The following SATB2 variants were observed in gnomAD, a reference collection of about 807,000 sequenced individuals.
SATB2 encodes SATB homeobox 2.
SATB2 carries 1 observed loss-of-function variant against 73.4 expected under a neutral mutation model. That is an observed-to-expected ratio of 0.01 (90% CI 0.00 to 0.06). The LOEUF (loss-of-function observed/expected upper bound fraction) is 0.06. Among genes scored for constraint, SATB2 ranks in the 10% least tolerant of loss-of-function variants. SATB2 has a pLI of 1.00. For synonymous variants in SATB2, 397 were observed against 367.0 expected (o/e 1.08, Z -0.93); for missense variants, 459 against 945.8 (o/e 0.49, Z 6.75).
At chr2:199,337,246 A>T (rs1688362963) in intron 7 of SATB2, among the ~76,000 whole-genome samples, 1 of 152,232 alleles carries the variant, frequency 6.6e-6, no homozygotes, top group African/African-American at 2.4e-5. Context: ...TATATGATGC[A>T]AAATGACCAC....
At chr2:199,418,087 T>C (rs2105910784) in intron 3 of SATB2, among the ~76,000 whole-genome samples, 1 of 152,328 alleles carries the variant, frequency 6.6e-6, no homozygotes, top group African/African-American at 2.4e-5. Context: ...GCAACTAACA[T>C]GATTCAGCCC....
intron 10 of SATB2, among the ~76,000 whole-genome samples, chr2:199,286,253 T>C (rs1032115329): frequency 1.3e-5 from 2 of 152,130 alleles, no homozygotes; most frequent in Admixed American, 6.6e-5. Flanking sequence ...GATGAGGAAC[T>C]ATATCAAATA....
intron 3 of SATB2, chr2:199,396,331 G>T (rs1690299457): frequency 6.6e-6 from 1 of 152,096 alleles, no homozygotes; most frequent in African/African-American, 2.4e-5. Flanking sequence ...GATAATTAAT[G>T]CTTCACCCAG....
intron 9 of SATB2, among the ~76,000 whole-genome samples, chr2:199,310,143 A>G (rs1194989978): frequency 6.6e-6 from 1 of 152,092 alleles, no homozygotes; most frequent in Non-Finnish European, 1.5e-5. Flanking sequence ...TTCTCCTTCA[A>G]CTGCCGGCTG....
chr2:199,428,892 G>C (rs1691414176), intron 3 of SATB2, among the ~76,000 whole-genome samples: 1 of 151,884 alleles, frequency 6.6e-6, no homozygotes, highest in Admixed American at 6.6e-5. Flanking sequence ...TGGCCACCCA[G>C]CTACTCAGGA....
In SATB2 at chr2:199,324,054, C is replaced by T. The variant is rs1687967366; in HGVS notation, c.1387-96G>A. 5.6e-6 allele frequency: 7 copies of T among 1,246,516 alleles called. No homozygotes were observed. In the South Asian group the frequency reaches 7.2e-5, roughly 13 times the overall value. The allele number at this position is 1,246,516 out of a possible 1,614,324, so 77.2% of individuals were successfully genotyped here. Reference sequence around the variant, plus strand: ...TCAAAGGATTTCAGTCAGCTGATGCCAAACTGCATTAGCTACAGAGGGACA... The same window carrying T: ...TCAAAGGATTTCAGTCAGCTGATGCTAAACTGCATTAGCTACAGAGGGACA... On this transcript the variant is annotated intron_variant, in intron 8 of 10. Coordinates refer to ENST00000417098, the MANE Select transcript of SATB2 (RefSeq NM_001172509.2).
intron 1 of SATB2, 56 bp from the exon 2 acceptor site, chr2:199,456,152 C>G: frequency 3.0e-6 from 3 of 991,448 alleles, no homozygotes; most frequent in Non-Finnish European, 4.6e-6. Context: ...GAAAACCGCT[C>G]ATACACGTGA....
chr2:199,353,345 G>A (rs1688878196), intron 6 of SATB2, among the ~76,000 whole-genome samples: 1 of 151,534 alleles, frequency 6.6e-6, no homozygotes, highest in African/African-American at 2.4e-5. Flanking sequence ...AGTAGAAACG[G>A]GGTTTCACCA....
chr2:199,379,882 A>T (rs1574566247), intron 5 of SATB2, among the ~76,000 whole-genome samples: 1 of 146,728 alleles, frequency 6.8e-6, no homozygotes, highest in South Asian at 2.2e-4. Context: ...ATAAATGCTA[A>T]TTTTTTTTTT....
intron 3 of SATB2, chr2:199,395,725 T>C (rs1690280460): frequency 6.6e-6 from 1 of 152,178 alleles, no homozygotes; most frequent in African/African-American, 2.4e-5. Context: ...AATTAAGAAA[T>C]AGGAAACAAA....
chr2:199,386,564 T>C (rs1044929873), intron 3 of SATB2, among the ~76,000 whole-genome samples: 1 of 152,192 alleles, frequency 6.6e-6, no homozygotes, highest in Non-Finnish European at 1.5e-5. Flanking sequence ...GAAATGTCAA[T>C]AATGATGGCA....
intron 10 of SATB2, among the ~76,000 whole-genome samples, chr2:199,292,573 T>C (rs1208170042): frequency 1.3e-5 from 2 of 152,234 alleles, no homozygotes; most frequent in Non-Finnish European, 2.9e-5. Context: ...TAAACTAACA[T>C]TTGTTTTTAA....
At chr2:199,332,315 T>A (rs548427857) in intron 7 of SATB2, among the ~76,000 whole-genome samples, 1 of 152,188 alleles carries the variant, frequency 6.6e-6, no homozygotes, top group South Asian at 2.1e-4. Flanking sequence ...AGAATGAACA[T>A]CTGCACAAGG....
At chr2:199,306,174 A>G (rs1446054708) in intron 10 of SATB2, among the ~76,000 whole-genome samples, 2 of 152,168 alleles carry the variant, frequency 1.3e-5, no homozygotes, top group African/African-American at 4.8e-5. Flanking sequence ...GTTTTTAAAT[A>G]CAGCCCTCCC....
chr2:199,330,847 A>C (rs768539464), intron 7 of SATB2, among the ~76,000 whole-genome samples: 130 of 152,298 alleles, frequency 8.5e-4, no homozygotes, highest in South Asian at 2.1e-3. Flanking sequence ...TTAATGATAA[A>C]TTCTGCATAT....
At chr2:199,446,078 C>T (rs1361506692) in intron 2 of SATB2, among the ~76,000 whole-genome samples, 1 of 152,098 alleles carries the variant, frequency 6.6e-6, no homozygotes, top group African/African-American at 2.4e-5. Flanking sequence ...CACGTAATGA[C>T]TTAATATTAA....
At chr2:199,420,176 C>A (rs1034312314) in intron 3 of SATB2, among the ~76,000 whole-genome samples, 1 of 151,992 alleles carries the variant, frequency 6.6e-6, no homozygotes, top group Non-Finnish European at 1.5e-5. Context: ...CCCATCTGTG[C>A]CTCAGTTTCC....
intron 3 of SATB2, among the ~76,000 whole-genome samples, chr2:199,391,952 G>T (rs1183065294): frequency 6.6e-6 from 1 of 152,188 alleles, no homozygotes; most frequent in Admixed American, 6.5e-5. Context: ...GAGGGTAGAA[G>T]AGATCACAAA....
chr2:199,425,133 A>T (rs1691288727), intron 3 of SATB2, among the ~76,000 whole-genome samples: 3 of 152,188 alleles, frequency 2.0e-5, no homozygotes, highest in Admixed American at 2.0e-4. Flanking sequence ...AGTACCACAA[A>T]TTTTAGGCTT....
Sources: gnomAD v4.1 joint callset for allele counts (sites outside exome capture counted in the v4.1 genomes callset) on GRCh38, gnomAD v4.1.1 for gene constraint, MANE v1.5 for transcripts, NCBI Gene and HGNC (gene_info 2026-07-23, HGNC 2026-07-21) for gene names.